CLVS1: variants seen among roughly 807,000 people sequenced by gnomAD.
CLVS1 encodes the protein clavesin-1.
A neutral mutation model predicts 33.1 loss-of-function variants in CLVS1; 10 were observed. The ratio of observed to expected loss-of-function variants is 0.30; its 90% CI spans 0.19 to 0.51. The LOEUF (loss-of-function observed/expected upper bound fraction) is 0.51. Among genes scored for constraint, CLVS1 ranks in the 20% least tolerant of loss-of-function variants. The pLI is 0.97. For missense variants in CLVS1, 343 were observed against 433.4 expected (o/e 0.79, Z 1.85); for synonymous variants, 163 against 166.1 (o/e 0.98, Z 0.14).
In CLVS1 at chr8:61,300,011, A is replaced by C; in HGVS notation, c.184A>C (p.Thr62Pro). 6.2e-7 allele frequency: 1 copy of C among 1,614,014 alleles called. No individual in the cohort carries two copies. The highest frequency in any genetic ancestry group is 8.5e-7 in the Non-Finnish European group (1 of 1,179,962). The change falls in exon 2 of 6, where the codon ACC becomes CCC. Residue 62 changes from threonine to proline, a missense_variant. Around this residue, in one of 4 missense-constraint regions of CLVS1, gnomAD observed 88 missense variants for 77.3 expected, o/e 1.14. Transcript: ENST00000325897. ...TCAGCAAGTCAGGGACATGATCATC[A>C]CCAGGCCTGACATTGGATTTTTACG... ...DIQQVRDMII[T>P]RPDIGFLRTD...
chr8:61,328,698 T>C (rs190713941), intron 2 of CLVS1, among the ~76,000 whole-genome samples: 1 of 152,340 alleles, frequency 6.6e-6, no homozygotes, highest in Non-Finnish European at 1.5e-5. Context: ...CTGCCTTAGA[T>C]AGATTTCTCT....
At chr8:61,465,352 G>A (rs1229202018) in intron 5 of CLVS1, 1 of 152,136 alleles carries the variant, frequency 6.6e-6, no homozygotes, top group Admixed American at 6.5e-5. Context: ...GTGTTCCAAA[G>A]CACTCTCGAC....
At chr8:61,056,102 T>C (rs564702325), upstream of CLVS1, among the ~76,000 whole-genome samples, 1 of 152,320 alleles carries the variant, frequency 6.6e-6, no homozygotes, top group East Asian at 1.9e-4. Flanking sequence ...TGGACCATGG[T>C]CACACCTCCC....
chr8:61,322,019 G>A (rs1038038369), intron 2 of CLVS1, among the ~76,000 whole-genome samples: 4 of 151,846 alleles, frequency 2.6e-5, no homozygotes, highest in Admixed American at 1.3e-4. Context: ...TTTTTTTATG[G>A]TTGTCTTTCT....
chr8:61,305,911 G>T (rs1163078673), intron 2 of CLVS1, among the ~76,000 whole-genome samples: 1 of 152,178 alleles, frequency 6.6e-6, no homozygotes, highest in East Asian at 1.9e-4. Flanking sequence ...TGGCTGCATA[G>T]TATTTCATGG....
At chr8:61,497,450 G>GGT (rs1554581115) in intron 5 of CLVS1, among the ~76,000 whole-genome samples, 2 of 147,638 alleles carry the variant, frequency 1.4e-5, no homozygotes, top group South Asian at 2.2e-4. Flanking sequence ...ATTGGGGGGG[G>GGT]GGTGTCAGTC....
chr8:60,997,934 TTG>T, the CLVS1 span, among the ~76,000 whole-genome samples: 35 of 150,216 alleles, frequency 2.3e-4, no homozygotes, highest in South Asian at 4.2e-4. Flanking sequence ...CTTAAGGTGC[TTG>T]TGTGTGTGTG....
chr8:61,305,828 A>G (rs1243221001), intron 2 of CLVS1, among the ~76,000 whole-genome samples: 2 of 152,018 alleles, frequency 1.3e-5, no homozygotes, highest in East Asian at 3.9e-4. Context: ...TTGTTCTTGT[A>G]TTAGTTTGCT....
chr8:61,068,227 G>GTATATATATATATATATATATATATATA (rs761732435), intron 1 of CLVS1, among the ~76,000 whole-genome samples: 1 of 88,300 alleles, frequency 1.1e-5, no homozygotes, highest in African/African-American at 4.0e-5. Flanking sequence ...ATGTATGTAT[G>GTATATATATATATATATATATATATATA]TGTATATATA....
chr8:61,023,351 T>C, the CLVS1 span, among the ~76,000 whole-genome samples: 1 of 152,238 alleles, frequency 6.6e-6, no homozygotes, highest in Non-Finnish European at 1.5e-5. Context: ...CCTCAATTTG[T>C]TTACACAGCT....
At chr8:61,103,347 G>C (rs1046194850) in intron 1 of CLVS1, among the ~76,000 whole-genome samples, 2 of 152,206 alleles carry the variant, frequency 1.3e-5, no homozygotes, top group Non-Finnish European at 2.9e-5. Flanking sequence ...TAGGCATGAA[G>C]ATTATTGATT....
chr8:61,227,155 G>T (rs1468736109), intron 2 of CLVS1, among the ~76,000 whole-genome samples: 1 of 152,108 alleles, frequency 6.6e-6, no homozygotes, highest in Admixed American at 6.5e-5. Flanking sequence ...GTCCTTAGCA[G>T]TGTAGATGTG....
chr8:61,049,339 A>AT, the CLVS1 span, among the ~76,000 whole-genome samples: 1 of 151,952 alleles, frequency 6.6e-6, no homozygotes, highest in Non-Finnish European at 1.5e-5. Context: ...TGACCAAATC[A>AT]TTTTTTTCTC....
upstream of CLVS1, among the ~76,000 whole-genome samples, chr8:61,055,110 C>T (rs936430242): frequency 6.6e-6 from 1 of 152,200 alleles, no homozygotes; most frequent in Middle Eastern, 3.2e-3. Context: ...ACTCAAAAAA[C>T]TTCATTAAAT....
rs562476969 is a variant in CLVS1 at position 61,501,562 on chromosome 8, T to C, written c.*2020T>C. The C allele has an allele frequency of 1.3e-5, 2 of 152,332 alleles. No homozygotes were observed. The highest frequency in any genetic ancestry group is 3.9e-4 in the East Asian group (2 of 5,188). The allele number at this position is 152,332 out of a possible 1,614,324, so 9.4% of individuals were successfully genotyped here. On this transcript the variant is annotated 3_prime_UTR_variant, in exon 6 of 6. Transcript: ENST00000325897. The stretch of plus-strand genomic sequence containing the variant: ...AACAAGTGACATGAATGTTACTACA[T>C]GAACATTGAATTGTATTGCCCTTGT...
chr8:61,017,270 G>A, the CLVS1 span, among the ~76,000 whole-genome samples: 2 of 152,170 alleles, frequency 1.3e-5, no homozygotes, highest in African/African-American at 4.8e-5. Context: ...TATTTTGAAG[G>A]AAATTAAATC....
At chr8:61,424,612 T>C (rs1815811280) in intron 3 of CLVS1, among the ~76,000 whole-genome samples, 1 of 152,216 alleles carries the variant, frequency 6.6e-6, no homozygotes, top group Non-Finnish European at 1.5e-5. Context: ...ATAATAGTGC[T>C]TTAGTTCTTT....
At chr8:61,222,028 TCTG>T (rs1808228919) in intron 2 of CLVS1, among the ~76,000 whole-genome samples, 2 of 152,334 alleles carry the variant, frequency 1.3e-5, no homozygotes, top group Admixed American at 6.5e-5. Flanking sequence ...AGTGGTGATA[TCTG>T]CTTTATCATT....
intron 2 of CLVS1, among the ~76,000 whole-genome samples, chr8:61,243,722 C>A (rs1808744421): frequency 6.6e-6 from 1 of 152,132 alleles, no homozygotes; most frequent in Admixed American, 6.5e-5. Flanking sequence ...AGGCTTCTCC[C>A]TGTCAAGCAG....
Sources: gnomAD v4.1 joint callset for allele counts (sites outside exome capture counted in the v4.1 genomes callset) on GRCh38, gnomAD v4.1.1 for gene constraint, gnomAD v4.1.1 regional missense constraint, MANE v1.5 for transcripts, NCBI Gene and HGNC (gene_info 2026-07-23, HGNC 2026-07-21) for gene names.